Variants in RIC8B observed in about 807,000 individuals in gnomAD.
The protein encoded by RIC8B is chaperone Ric-8B.
RIC8B carries 16 observed loss-of-function variants against 57.5 expected under a neutral mutation model. That is an observed-to-expected ratio of 0.28 (90% confidence interval 0.19 to 0.42). The LOEUF is 0.42. Ranked by LOEUF, RIC8B falls within the 10% of genes least tolerant of loss-of-function variation. RIC8B has a pLI of 1.00. For synonymous variants in RIC8B, 216 were observed against 250.8 expected (o/e 0.86, Z 1.31); for missense variants, 481 against 677.0 (o/e 0.71, Z 3.21).
intron 2 of RIC8B, among the ~76,000 whole-genome samples, chr12:106,788,865 G>T (rs757832395): frequency 2.0e-5 from 3 of 152,232 alleles, no homozygotes; most frequent in Non-Finnish European, 4.4e-5. Context: ...TTTTCTTGGG[G>T]ATTAACATTT....
chr12:106,855,157 G>T (rs1244392086), intron 7 of RIC8B, among the ~76,000 whole-genome samples: 1 of 152,168 alleles, frequency 6.6e-6, no homozygotes, highest in Non-Finnish European at 1.5e-5. Context: ...GGGCTGAATT[G>T]CAAAGAAAAA....
chr12:106,852,113 A>G (rs1300506642), intron 7 of RIC8B, among the ~76,000 whole-genome samples: 2 of 152,216 alleles, frequency 1.3e-5, no homozygotes, highest in African/African-American at 4.8e-5. Flanking sequence ...TGGTAGAGAG[A>G]AATTTTAAAA....
In RIC8B at chr12:106,837,668, G is replaced by A. The variant is rs192951363; in HGVS notation, c.837-4921G>A. Among the ~76,000 whole-genome samples, 494 of 136,438 alleles carry A rather than the reference G, an allele frequency of 3.6e-3. 4 individuals are homozygous for A. Among genetic ancestry groups the A allele is most frequent in the African/African-American group, 0.013 (476 of 35,676 alleles). The allele number at this position is 136,438 out of a possible 152,430, so 89.5% of individuals were successfully genotyped here. A position where few individuals can be genotyped will look rare whatever the true frequency, so the allele number is the denominator to read the frequency against. ...TTTTTTTTTTTTTTTTTGACAGAGA[G>A]TCTCACTGTGTTGCCCAGGCTGGAG... On this transcript the variant is annotated intron_variant, in intron 4 of 9. Transcript: ENST00000392837.
intron 2 of RIC8B, among the ~76,000 whole-genome samples, chr12:106,806,554 C>T (rs950693745): frequency 8.6e-5 from 13 of 151,978 alleles, no homozygotes; most frequent in African/African-American, 2.7e-4. Flanking sequence ...CCTTTATTGC[C>T]GGCGCAATGG....
chr12:106,835,067 T>A (rs563361334), intron 4 of RIC8B, among the ~76,000 whole-genome samples: 1 of 151,728 alleles, frequency 6.6e-6, no homozygotes, highest in East Asian at 1.9e-4. Flanking sequence ...CAGGGTTGTA[T>A]CTACCTCACT....
At chr12:106,774,926 T>A in intron 1 of RIC8B, 97 bp downstream of exon 1, 1 of 895,132 alleles carries the variant, frequency 1.1e-6, no homozygotes, top group African/African-American at 1.7e-5. Flanking sequence ...ATTCCGGGGA[T>A]GCGCATTGCT....
intron 2 of RIC8B, among the ~76,000 whole-genome samples, chr12:106,806,691 C>A (rs375565866): frequency 6.6e-6 from 1 of 151,938 alleles, no homozygotes; most frequent in Non-Finnish European, 1.5e-5. Flanking sequence ...TTAGCTGGGC[C>A]TGGTGGTGCG....
At chr12:106,832,413 C>T (rs1164318204) in intron 4 of RIC8B, among the ~76,000 whole-genome samples, 3 of 151,892 alleles carry the variant, frequency 2.0e-5, no homozygotes, top group African/African-American at 4.8e-5. Flanking sequence ...ACCAAAAACA[C>T]AAAAATTAGA....
At chr12:106,803,579 C>T (rs2044852490) in intron 2 of RIC8B, among the ~76,000 whole-genome samples, 1 of 152,150 alleles carries the variant, frequency 6.6e-6, no homozygotes, top group Non-Finnish European at 1.5e-5. Flanking sequence ...ACAAACATTA[C>T]TCCCTGTCTT....
chr12:106,859,831 C>T (rs901524240), intron 7 of RIC8B, among the ~76,000 whole-genome samples: 2 of 152,138 alleles, frequency 1.3e-5, no homozygotes, highest in Non-Finnish European at 2.9e-5. Flanking sequence ...TCCTTTTCCT[C>T]CAATTCCAAC....
intron 2 of RIC8B, among the ~76,000 whole-genome samples, chr12:106,804,537 A>AG (rs1400065092): frequency 3.3e-5 from 5 of 152,200 alleles, no homozygotes; most frequent in African/African-American, 1.2e-4. Flanking sequence ...CCAGTTTTAC[A>AG]GGTAAGGAAG....
At chr12:106,776,868 A>G (rs983731816) in intron 1 of RIC8B, among the ~76,000 whole-genome samples, 7 of 152,198 alleles carry the variant, frequency 4.6e-5, no homozygotes, top group African/African-American at 1.7e-4. Context: ...CTTTCAGAAG[A>G]AAGCGCTCCC....
intron 1 of RIC8B, among the ~76,000 whole-genome samples, chr12:106,779,742 A>C (rs114517631): frequency 2.7e-3 from 415 of 151,340 alleles, no homozygotes; most frequent in African/African-American, 9.6e-3. Flanking sequence ...CAGATACAGA[A>C]TCCTTTGGCT....
At chr12:106,824,729 C>G (rs2046015837) in intron 3 of RIC8B, among the ~76,000 whole-genome samples, 1 of 151,608 alleles carries the variant, frequency 6.6e-6, no homozygotes, top group East Asian at 1.9e-4. Context: ...AACCCTGTCT[C>G]TACTAAAAAT....
At chr12:106,860,497 C>T (rs1005294253) in intron 8 of RIC8B, 85 bp downstream of exon 8, 1 of 1,086,276 alleles carries the variant, frequency 9.2e-7, no homozygotes, top group African/African-American at 1.6e-5. Flanking sequence ...CCAAGTGTTT[C>T]TTTTCTCTTG....
intron 2 of RIC8B, among the ~76,000 whole-genome samples, chr12:106,787,756 A>G (rs1435870659): frequency 3.3e-5 from 5 of 152,130 alleles, no homozygotes; most frequent in African/African-American, 4.8e-5. Context: ...CCCATGATTC[A>G]AATTATCTCC....
At chr12:106,795,543 G>T (rs1387783139) in intron 2 of RIC8B, among the ~76,000 whole-genome samples, 6 of 152,250 alleles carry the variant, frequency 3.9e-5, no homozygotes, top group Non-Finnish European at 8.8e-5. Context: ...TACATAGCGT[G>T]GGGAGGGCTG....
chr12:106,805,182 T>C (rs903918791), intron 2 of RIC8B, among the ~76,000 whole-genome samples: 1 of 152,200 alleles, frequency 6.6e-6, no homozygotes, highest in Non-Finnish European at 1.5e-5. Flanking sequence ...CATTTTCTTT[T>C]TGCTGCCAGC....
intron 9 of RIC8B, chr12:106,871,470 C>CAAA (rs1950400184): frequency 7.1e-5 from 3 of 42,204 alleles, no homozygotes; most frequent in African/African-American, 9.2e-5. Flanking sequence ...ATTAGGAGTT[C>CAAA]TAAAAAAAAA....
Sources: gnomAD v4.1 joint callset for allele counts (sites outside exome capture counted in the v4.1 genomes callset) on GRCh38, gnomAD v4.1.1 for gene constraint, MANE v1.5 for transcripts, NCBI Gene and HGNC (gene_info 2026-07-23, HGNC 2026-07-21) for gene names.